The following GPHN variants were observed in gnomAD, a reference collection of about 807,000 sequenced individuals.
GPHN encodes the protein gephyrin.
In GPHN, 17 loss-of-function variants were observed where a neutral mutation model predicts 95.5. The observed-to-expected ratio is 0.18, with a 90% CI of 0.12 to 0.27. GPHN has a LOEUF of 0.27. Ranked by LOEUF, GPHN falls within the 10% of genes least tolerant of loss-of-function variation. The probability of loss-of-function intolerance (pLI) is 1.00; values close to 1 mark genes in which losing one functional copy is unlikely to be tolerated. For synonymous variants in GPHN, 320 were observed against 322.5 expected (o/e 0.99, Z 0.08); for missense variants, 660 against 978.1 (o/e 0.67, Z 4.34).
At chr14:67,527,774 G>A in the GPHN span, among the ~76,000 whole-genome samples, 1 of 152,208 alleles carries the variant, frequency 6.6e-6, no homozygotes, top group African/African-American at 2.4e-5. Flanking sequence ...TTACAGTTAG[G>A]TGAGGCACAA....
chr14:67,064,480 A>G (rs1198543539), intron 11 of GPHN, among the ~76,000 whole-genome samples: 2 of 151,908 alleles, frequency 1.3e-5, no homozygotes, highest in Admixed American at 6.6e-5. Context: ...CTCTTTTTCT[A>G]TTGATTGGAA....
At chr14:67,349,379 G>C in the GPHN span, among the ~76,000 whole-genome samples, 17 of 152,324 alleles carry the variant, frequency 1.1e-4, no homozygotes, top group African/African-American at 3.8e-4. Context: ...TTCAGTCAGA[G>C]GTGTGCTACA....
Position 67,011,108 on chromosome 14 carries a change from A to G in GPHN, c.964-12525A>G, listed in dbSNP as rs547921964. ...TAATGAAATGTTTCAAATGTTATATATAGTAAACAACAGATAATATAACAA... is the reference window on the plus strand; with the variant it reads ...TAATGAAATGTTTCAAATGTTATATGTAGTAAACAACAGATAATATAACAA... On this transcript the variant is annotated intron_variant, in intron 9 of 22. Coordinates refer to ENST00000478722, the MANE Select transcript of GPHN (RefSeq NM_020806.5). Among the ~76,000 whole-genome samples the G allele has an allele frequency of 1.3e-3, 203 of 152,282 alleles. 1 individual carries two copies. The highest frequency in any genetic ancestry group is 2.5e-3 in the Non-Finnish European group (167 of 68,038).
Position 67,099,510 on chromosome 14 carries a change from C to G in GPHN, c.1238-1346C>G, listed in dbSNP as rs551008741. On this transcript the variant is annotated intron_variant, in intron 12 of 22. Transcript: ENST00000478722. ...ATTACAATAAAACTCTTCTATAATA[C>G]TTTTTACAAGTAAAAACTGAACAAT... Among the ~76,000 whole-genome samples, 3 of 150,948 alleles carry G rather than the reference C, an allele frequency of 2.0e-5. No individual in the cohort carries two copies. In the East Asian group the frequency reaches 5.9e-4, roughly 29 times the overall value.
At chr14:67,659,709 A>G in the GPHN span, 2 of 1,570,570 alleles carry the variant, frequency 1.3e-6, no homozygotes, top group Non-Finnish European at 1.7e-6. Flanking sequence ...AAAAAAAAAC[A>G]AACAAAACAG....
intron 5 of GPHN, among the ~76,000 whole-genome samples, chr14:66,909,265 C>CT (rs2065548298): frequency 6.6e-6 from 1 of 151,878 alleles, no homozygotes; most frequent in South Asian, 2.1e-4. Context: ...CAAATGATTT[C>CT]AATATTATTT....
intron 3 of GPHN, among the ~76,000 whole-genome samples, chr14:66,780,130 G>C (rs958171753): frequency 6.6e-6 from 1 of 152,136 alleles, no homozygotes; most frequent in African/African-American, 2.4e-5. Context: ...TTGAGTAGAT[G>C]GTGTTGCTGT....
chr14:67,360,427 T>C, the GPHN span: 1 of 391,152 alleles, frequency 2.6e-6, no homozygotes, highest in Non-Finnish European at 4.5e-6. Context: ...GGCTCTGGGC[T>C]CCAGTGCGGG....
the GPHN span, among the ~76,000 whole-genome samples, chr14:67,227,953 T>C: frequency 2.0e-5 from 3 of 152,056 alleles, no homozygotes; most frequent in African/African-American, 7.2e-5. Context: ...GTGGATCACC[T>C]GAGGTCAGGA....
chr14:67,464,387 G>T, the GPHN span, among the ~76,000 whole-genome samples: 1 of 152,014 alleles, frequency 6.6e-6, no homozygotes, highest in African/African-American at 2.4e-5. Flanking sequence ...TTCCTTAAAA[G>T]CACTCCATCA....
At chr14:67,082,043 A>G (rs1408395917) in intron 11 of GPHN, among the ~76,000 whole-genome samples, 1 of 151,828 alleles carries the variant, frequency 6.6e-6, no homozygotes, top group Non-Finnish European at 1.5e-5. Flanking sequence ...ATGTCTCCAG[A>G]TTTGTTCTTT....
chr14:67,132,264 G>A (rs1024753558), intron 17 of GPHN, among the ~76,000 whole-genome samples: 4 of 152,164 alleles, frequency 2.6e-5, no homozygotes, highest in Non-Finnish European at 5.9e-5. Context: ...TCCAATTTGT[G>A]AACCAAACAC....
chr14:66,541,645 C>A (rs73279728), intron 1 of GPHN, among the ~76,000 whole-genome samples: 10,847 of 152,162 alleles, frequency 0.071, 954 homozygotes, highest in African/African-American at 0.2. Flanking sequence ...TGGGATATGG[C>A]AAGATTCAGT....
chr14:67,719,350 T>C, the GPHN span, among the ~76,000 whole-genome samples: 1 of 152,254 alleles, frequency 6.6e-6, no homozygotes, highest in African/African-American at 2.4e-5. Context: ...CACGATAAGA[T>C]TCTTTACTCA....
Position 67,045,823 on chromosome 14 carries a change from C to G in GPHN, c.1007-12826C>G, listed in dbSNP as rs564288705. On this transcript the variant is annotated intron_variant, in intron 10 of 22. Coordinates refer to ENST00000478722, the MANE Select transcript of GPHN (RefSeq NM_020806.5). ...TCTCTTTCTCTCTCTGTGTGTGTGT[C>G]TCTCTCTCTGTCTCTCTCCTTTCCT... Among the ~76,000 whole-genome samples the G allele has an allele frequency of 4.0e-5, 6 of 151,738 alleles. No individual in the cohort carries two copies. In the South Asian group the frequency reaches 8.3e-4, roughly 21 times the overall value.
the GPHN span, among the ~76,000 whole-genome samples, chr14:67,717,001 G>A: frequency 6.6e-6 from 1 of 151,944 alleles, no homozygotes; most frequent in African/African-American, 2.4e-5. Context: ...TGAAATGCCT[G>A]TTTTACTTCC....
chr14:67,472,110 G>C, the GPHN span: 1 of 152,304 alleles, frequency 6.6e-6, no homozygotes, highest in Non-Finnish European at 1.5e-5. Context: ...TGAGCTCAAA[G>C]GGTCAGCCTT....
At chr14:67,276,083 G>C in the GPHN span, among the ~76,000 whole-genome samples, 323 of 152,174 alleles carry the variant, frequency 2.1e-3, 1 homozygote, top group Non-Finnish European at 3.3e-3. Flanking sequence ...TGGATTCATT[G>C]ATTTTTTGAA....
At chr14:67,189,510 G>A in the GPHN span, 1 of 152,152 alleles carries the variant, frequency 6.6e-6, no homozygotes, top group African/African-American at 2.4e-5. Context: ...CTATTTGGAG[G>A]TTATTTTCCT....
Sources: gnomAD v4.1 joint callset for allele counts (sites outside exome capture counted in the v4.1 genomes callset) on GRCh38, gnomAD v4.1.1 for gene constraint, MANE v1.5 for transcripts, NCBI Gene and HGNC (gene_info 2026-07-23, HGNC 2026-07-21) for gene names.